NRXN3: variants seen among roughly 807,000 people sequenced by gnomAD.
The protein encoded by NRXN3 is neurexin 3, also known as neurexin III.
NRXN3 carries 32 observed loss-of-function variants against 137.6 expected under a neutral mutation model. The observed-to-expected ratio is 0.23, with a 90% CI of 0.18 to 0.31. The LOEUF is 0.31. NRXN3 is among the 10% of genes least tolerant of loss of function. The pLI is 1.00. For synonymous variants in NRXN3, 798 were observed against 784.5 expected (o/e 1.02, Z -0.29); for missense variants, 1,574 against 2,062.5 (o/e 0.76, Z 4.59).
chr14:79,414,223 T>C (rs898683506), intron 15 of NRXN3, among the ~76,000 whole-genome samples: 4 of 152,034 alleles, frequency 2.6e-5, no homozygotes, highest in African/African-American at 9.7e-5. Context: ...GGACCATATG[T>C]TAGGCAGGGT....
chr14:78,233,415 C>T (rs2065726039), intron 1 of NRXN3, among the ~76,000 whole-genome samples: 1 of 152,128 alleles, frequency 6.6e-6, no homozygotes, highest in Non-Finnish European at 1.5e-5. Context: ...CTCTGAGAAA[C>T]CTCTGACCGC....
At chr14:78,210,183 G>C (rs140724338) in intron 1 of NRXN3, among the ~76,000 whole-genome samples, 1 of 152,280 alleles carries the variant, frequency 6.6e-6, no homozygotes, top group East Asian at 1.9e-4. Context: ...TGGTTCTGGC[G>C]AGTGGGAAAT....
intron 14 of NRXN3, among the ~76,000 whole-genome samples, chr14:78,984,059 G>A (rs373436840): frequency 1.1e-4 from 16 of 151,874 alleles, no homozygotes; most frequent in African/African-American, 3.1e-4. Flanking sequence ...TATAGGAGGC[G>A]GGGGGAGGGG....
intron 4 of NRXN3, among the ~76,000 whole-genome samples, chr14:78,447,550 C>G (rs1399457268): frequency 6.6e-6 from 1 of 152,170 alleles, no homozygotes; most frequent in Non-Finnish European, 1.5e-5. Context: ...CAGCCCTTGT[C>G]TGGAAGGAGA....
chr14:79,498,950 A>G (rs1387162154), intron 16 of NRXN3, among the ~76,000 whole-genome samples: 1 of 152,098 alleles, frequency 6.6e-6, no homozygotes, highest in Non-Finnish European at 1.5e-5. Context: ...ATGCCCAGTT[A>G]ACTTTTTTCT....
At chr14:79,195,304 A>T (rs559884641) in intron 15 of NRXN3, among the ~76,000 whole-genome samples, 140 of 152,302 alleles carry the variant, frequency 9.2e-4, no homozygotes, top group Middle Eastern at 6.8e-3. Context: ...TGGGAAAAGC[A>T]GAAACAAAAG....
chr14:79,114,182 G>A (rs2054003733), intron 15 of NRXN3, among the ~76,000 whole-genome samples: 1 of 152,214 alleles, frequency 6.6e-6, no homozygotes, highest in Non-Finnish European at 1.5e-5. Flanking sequence ...AGAAGGAAGA[G>A]AAGAGGGTCC....
At chr14:78,502,147 G>C (rs572176067) in intron 4 of NRXN3, among the ~76,000 whole-genome samples, 1 of 152,072 alleles carries the variant, frequency 6.6e-6, no homozygotes, top group Admixed American at 6.6e-5. Context: ...AATATCTGCC[G>C]TGTTGAGAGG....
At chr14:78,788,324 T>G (rs7147459) in intron 8 of NRXN3, among the ~76,000 whole-genome samples, 151,803 of 152,176 alleles carry the variant, frequency 1, 75,716 homozygotes, top group South Asian at 1. Context: ...CATACTTCAG[T>G]GTTTTCCTTT....
intron 17 of NRXN3, among the ~76,000 whole-genome samples, chr14:79,664,884 G>A (rs2098550545): frequency 1.3e-5 from 2 of 152,122 alleles, no homozygotes; most frequent in African/African-American, 2.4e-5. Context: ...ATGAAGTGAT[G>A]TGCTACTCTC....
chr14:79,106,423 G>A (rs1357300131), intron 15 of NRXN3, among the ~76,000 whole-genome samples: 2 of 151,780 alleles, frequency 1.3e-5, no homozygotes, highest in Admixed American at 1.3e-4. Context: ...CTTCAAATGT[G>A]CTTTCTCTTG....
chr14:79,723,011 T>C (rs2098850976), intron 19 of NRXN3, among the ~76,000 whole-genome samples: 1 of 152,114 alleles, frequency 6.6e-6, no homozygotes, highest in South Asian at 2.1e-4. Flanking sequence ...TAGTCAGAGT[T>C]ATTTGTGTGC....
intron 15 of NRXN3, among the ~76,000 whole-genome samples, chr14:79,293,178 T>C (rs1482930994): frequency 6.6e-6 from 1 of 150,656 alleles, no homozygotes; most frequent in Non-Finnish European, 1.5e-5. Flanking sequence ...AAGAACTCTC[T>C]TTCAGAAAAT....
At position 78,678,759 on chromosome 14, in the gene NRXN3, T is replaced by C. The variant is rs188399952; in HGVS notation, c.1221+27433T>C. On this transcript the variant is annotated intron_variant, in intron 6 of 20. Transcript: ENST00000335750. ...AAGTTCCCATTTTAAGGTCCTTGTTTCTACTGAGAATCCAGAGGCCTCAAA... is the reference window on the plus strand; with the variant it reads ...AAGTTCCCATTTTAAGGTCCTTGTTCCTACTGAGAATCCAGAGGCCTCAAA... Among the ~76,000 whole-genome samples, 1,025 of 152,286 alleles carry C rather than the reference T, an allele frequency of 6.7e-3. 3 individuals carry two copies. The highest frequency in any genetic ancestry group is 0.012 in the Non-Finnish European group (793 of 68,004).
intron 10 of NRXN3, among the ~76,000 whole-genome samples, chr14:78,931,936 C>A (rs186854648): frequency 2.0e-3 from 310 of 152,162 alleles, no homozygotes; most frequent in African/African-American, 6.9e-3. Context: ...CACCTGAGAT[C>A]AGGAGTTCGA....
chr14:79,850,517 A>G (rs2099389372), intron 20 of NRXN3, among the ~76,000 whole-genome samples: 1 of 152,198 alleles, frequency 6.6e-6, no homozygotes, highest in South Asian at 2.1e-4. Flanking sequence ...AATTCTAACA[A>G]CTGTAATATC....
intron 10 of NRXN3, among the ~76,000 whole-genome samples, chr14:78,880,066 C>T (rs1422846937): frequency 3.5e-5 from 5 of 143,544 alleles, no homozygotes; most frequent in East Asian, 2.0e-4. Flanking sequence ...GGTGAAACCC[C>T]GTCTCTACTA....
intron 18 of NRXN3, among the ~76,000 whole-genome samples, chr14:79,694,348 A>C (rs960988707): frequency 6.6e-6 from 1 of 151,994 alleles, no homozygotes; most frequent in Non-Finnish European, 1.5e-5. Context: ...TAATTTAAGC[A>C]GTATGTGAAC....
chr14:79,068,290 G>T (rs2099683308), intron 15 of NRXN3, among the ~76,000 whole-genome samples: 1 of 151,956 alleles, frequency 6.6e-6, no homozygotes, highest in Admixed American at 6.6e-5. Flanking sequence ...AAACCTGTTG[G>T]ACAAAAGGGT....
Sources: gnomAD v4.1 joint callset for allele counts (sites outside exome capture counted in the v4.1 genomes callset) on GRCh38, gnomAD v4.1.1 for gene constraint, MANE v1.5 for transcripts, NCBI Gene and HGNC (gene_info 2026-07-23, HGNC 2026-07-21) for gene names.